The following MDM2 variants were observed in gnomAD, a reference collection of about 807,000 sequenced individuals.
MDM2 encodes the protein MDM2 proto-oncogene, also known as E3 ubiquitin-protein ligase Mdm2.
In MDM2, 11 loss-of-function variants were observed where a neutral mutation model predicts 64.3. The ratio of observed to expected loss-of-function variants is 0.17; its 90% CI spans 0.11 to 0.28. The LOEUF (loss-of-function observed/expected upper bound fraction) is 0.28. MDM2 is among the 10% of genes least tolerant of loss of function. The pLI is 1.00. For missense variants in MDM2, 388 were observed against 577.1 expected, an observed-to-expected ratio of 0.67 and a Z score of 3.36; for synonymous variants, 194 against 192.9, an observed-to-expected ratio of 1.01 and a Z score of -0.05.
chr12:68,823,691 C>A (rs545204105), intron 5 of MDM2, among the ~76,000 whole-genome samples: 4 of 152,084 alleles, frequency 2.6e-5, no homozygotes, highest in Non-Finnish European at 5.9e-5. Context: ...TTAAAATTAC[C>A]ATTTAGGGGT....
chr12:68,836,624 T>G, intron 9 of MDM2, 48 bp from the exon 10 acceptor site: 1 of 1,308,120 alleles, frequency 7.6e-7, no homozygotes, highest in Non-Finnish European at 1.1e-6. Flanking sequence ...GCCTTCTGAT[T>G]GAAGGAAATA....
chr12:68,845,155 T>G lies in MDM2; in HGVS notation c.*5306T>G. ...TGTTAATGGCATTGTGAAAAGTTTT[T>G]AGTTGCGCTTTATGGGTGGATGCTG... is the stretch of plus-strand genomic sequence containing the variant. On this transcript the variant is annotated 3_prime_UTR_variant, in exon 11 of 11. Transcript: ENST00000258149. 1 of 223,738 alleles carries G rather than the reference T, an allele frequency of 4.5e-6. No homozygotes were observed. Among genetic ancestry groups the G allele is most frequent in the Non-Finnish European group, 8.9e-6 (1 of 112,188 alleles). The allele number at this position is 223,738 out of a possible 1,614,324, so 13.9% of individuals were successfully genotyped here.
chr12:68,836,876 T>G, intron 10 of MDM2, 127 bp downstream of exon 10: 1 of 610,910 alleles, frequency 1.6e-6, no homozygotes, highest in Non-Finnish European at 2.8e-6. Context: ...AAAGTCTGAA[T>G]AATTTAAAGC....
chr12:68,845,753 A>G (rs1884242508), downstream of MDM2: 1 of 159,258 alleles, frequency 6.3e-6, no homozygotes, highest in Non-Finnish European at 1.4e-5. Flanking sequence ...TCCTAATTCC[A>G]AAATTTCACC....
At chr12:68,824,936 G>C (rs976246803) in intron 7 of MDM2, among the ~76,000 whole-genome samples, 1 of 151,902 alleles carries the variant, frequency 6.6e-6, no homozygotes, top group Admixed American at 6.6e-5. Flanking sequence ...GGTGGCTCAC[G>C]CCTGGCTCAC....
At chr12:68,811,306 T>C (rs1880869587) in intron 2 of MDM2, among the ~76,000 whole-genome samples, 1 of 152,226 alleles carries the variant, frequency 6.6e-6, no homozygotes, top group South Asian at 2.1e-4. Context: ...TGTTTACTAA[T>C]GTAGCATTTA....
chr12:68,838,989 C>G (rs1329252365), intron 10 of MDM2, among the ~76,000 whole-genome samples: 1 of 152,100 alleles, frequency 6.6e-6, no homozygotes, highest in Non-Finnish European at 1.5e-5. Context: ...ATGATCACTA[C>G]AGTCAAGCAA....
chr12:68,832,579 A>G (rs1882883574), intron 8 of MDM2, among the ~76,000 whole-genome samples: 3 of 151,986 alleles, frequency 2.0e-5, no homozygotes, highest in Admixed American at 1.3e-4. Flanking sequence ...GCGCATGATC[A>G]TGGCTTACTG....
intron 7 of MDM2, among the ~76,000 whole-genome samples, chr12:68,826,646 CTTAAA>C (rs758687398): frequency 4.7e-5 from 5 of 105,918 alleles, no homozygotes; most frequent in Non-Finnish European, 6.6e-5. Context: ...GAGACTCCCT[CTTAAA>C]AAAAAAAAAA....
chr12:68,836,790 T>TAAGGTCA, intron 10 of MDM2, 41 bp downstream of exon 10: 1 of 1,315,878 alleles, frequency 7.6e-7, no homozygotes, highest in Non-Finnish European at 1.1e-6. Flanking sequence ...AAAATTTCAT[T>TAAGGTCA]AAGGTCAAGA....
downstream of MDM2, chr12:68,846,612 C>T (rs2136196310): frequency 6.6e-6 from 1 of 152,124 alleles, no homozygotes; most frequent in Non-Finnish European, 1.5e-5. Context: ...TTACAGATAC[C>T]ATCATGTTGC....
chr12:68,808,682 G>T (rs1425823688), intron 1 of MDM2, among the ~76,000 whole-genome samples, 191 bp downstream of exon 1: 1 of 151,376 alleles, frequency 6.6e-6, no homozygotes, highest in Non-Finnish European at 1.5e-5. Context: ...GGCAGTCGCC[G>T]CCAGGGAGGA....
rs1169983841 is a variant in MDM2, at chr12:68,837,913, AAG to A, written c.918+1167_918+1168del. ...CAAGTGCAAAAAAGGATGAAAATTC[AAG>A]AGTTTCCAAAATTTTTACTGTATTA... On this transcript the variant is annotated intron_variant, in intron 10 of 10. Transcript: ENST00000258149. Among the ~76,000 whole-genome samples the A allele has an allele frequency of 4.6e-5, 7 of 152,324 alleles. 2 individuals carry two copies. Among genetic ancestry groups the A allele is most frequent in the Admixed American group, 4.6e-4 (7 of 15,300 alleles).
At chr12:68,831,265 A>AG (rs61498173) in intron 8 of MDM2, among the ~76,000 whole-genome samples, 3 of 152,168 alleles carry the variant, frequency 2.0e-5, no homozygotes, top group Admixed American at 6.5e-5. Flanking sequence ...AGACAGAGGG[A>AG]GGGGGGCTCT....
rs754855736 is a variant in MDM2, at chr12:68,844,306, AT to A, written c.*4458del. 22 of 222,148 alleles carry A rather than the reference AT, an allele frequency of 9.9e-5. No individual in the cohort carries two copies. The highest frequency in any genetic ancestry group is 2.0e-4 in the Non-Finnish European group (22 of 111,232). 13.8% of individuals were successfully genotyped at this position (222,148 alleles called of 1,614,324 possible). A position where few individuals can be genotyped will look rare whatever the true frequency, so the allele number is the denominator to read the frequency against. Reference sequence around the variant, plus strand: ...ATGTGTTTCTTTTTCTGGAATGGCCATGCCTGCCCACTTTAGAAATACAAAT... The same window carrying A: ...ATGTGTTTCTTTTTCTGGAATGGCCAGCCTGCCCACTTTAGAAATACAAAT... On this transcript the variant is annotated 3_prime_UTR_variant, in exon 11 of 11. Transcript: ENST00000258149.
chr12:68,810,474 T>G (rs954832625), intron 2 of MDM2, among the ~76,000 whole-genome samples: 1 of 151,996 alleles, frequency 6.6e-6, no homozygotes, highest in African/African-American at 2.4e-5. Flanking sequence ...TATTATTATT[T>G]TTTTTGAGGC....
chr12:68,833,312 A>ATATATATTT (rs1555187833), intron 8 of MDM2, among the ~76,000 whole-genome samples: 2 of 62,056 alleles, frequency 3.2e-5, no homozygotes, highest in Non-Finnish European at 6.7e-5. Context: ...TAAATATAAA[A>ATATATATTT]ATATAATTAT....
intron 1 of MDM2, chr12:68,808,924 G>C: frequency 7.3e-7 from 1 of 1,368,418 alleles, no homozygotes; most frequent in Non-Finnish European, 9.4e-7. Flanking sequence ...TCTTGAGCTG[G>C]TCAAGTTCAG....
In MDM2 at chr12:68,813,675, C is replaced by G. The variant is rs373448029; in HGVS notation, c.174+47C>G. The G allele has an allele frequency of 9.4e-5, 131 of 1,397,074 alleles. No individual in the cohort carries two copies. In the African/African-American group the frequency reaches 1.7e-3, roughly 18 times the overall value. 86.5% of individuals were successfully genotyped at this position (1,397,074 alleles called of 1,614,324 possible). On this transcript the variant is annotated intron_variant, in intron 3 of 10. Coordinates refer to ENST00000258149, the MANE Select transcript of MDM2 (RefSeq NM_002392.6). The stretch of plus-strand genomic sequence containing the variant: ...GTAGTATCTCACTAGTTACATGTAG[C>G]CATACTTAAAGTTTTCAAGACCATG...
Sources: allele counts gnomAD v4.1 joint callset (sites outside exome capture counted in the v4.1 genomes callset), GRCh38; gene constraint gnomAD v4.1.1; transcripts MANE v1.5; gene names NCBI Gene and HGNC (gene_info 2026-07-23, HGNC 2026-07-21).